Variants in CFAP221 observed in about 807,000 individuals in gnomAD.
CFAP221 encodes the protein cilia- and flagella-associated protein 221.
A neutral mutation model predicts 113.1 loss-of-function variants in CFAP221; 97 were observed. The observed-to-expected ratio is 0.86, with a 90% CI of 0.73 to 1.02. The LOEUF is 1.02. CFAP221 is among the 50% of genes least tolerant of loss of function. The pLI, the probability that CFAP221 is intolerant of heterozygous loss-of-function variation, is 0.00. For missense variants in CFAP221, 1,025 were observed against 1,013.4 expected (o/e 1.01, Z -0.16); for synonymous variants, 331 against 354.4 (o/e 0.93, Z 0.74).
At position 119,648,864 on chromosome 2, in the gene CFAP221, G is replaced by T. The variant is rs527314873; in HGVS notation, c.2318+1814G>T. Among the ~76,000 whole-genome samples, 86 of 152,294 alleles carry T rather than the reference G, an allele frequency of 5.6e-4. 1 individual carries two copies. Among genetic ancestry groups the T allele is most frequent in the Admixed American group, 5.0e-3 (77 of 15,296 alleles). ...TTTACCAAAAGCCAGATGCTCCTGC[G>T]TGCTTCTGTTAGACTGGCGTGAAGT... On this transcript the variant is annotated intron_variant, in intron 22 of 23. Coordinates refer to ENST00000413369, the MANE Select transcript of CFAP221 (RefSeq NM_001271049.2).
chr2:119,630,112 G>A (rs529567286), intron 17 of CFAP221, among the ~76,000 whole-genome samples, 157 bp downstream of exon 17: 9 of 152,346 alleles, frequency 5.9e-5, no homozygotes, highest in African/African-American at 2.2e-4. Flanking sequence ...AGGTACAGCA[G>A]ATTCTTTTCT....
chr2:119,592,058 T>C (rs1683634476), intron 7 of CFAP221, among the ~76,000 whole-genome samples: 2 of 152,094 alleles, frequency 1.3e-5, no homozygotes. Flanking sequence ...TGAAAAAACA[T>C]TACCGAGAAT....
chr2:119,578,721 G>T (rs968587464), intron 6 of CFAP221, among the ~76,000 whole-genome samples: 1 of 152,090 alleles, frequency 6.6e-6, no homozygotes, highest in Non-Finnish European at 1.5e-5. Context: ...CCTAGTCATC[G>T]TGGAAAAAGT....
At chr2:119,577,155 G>C (rs559953555) in intron 6 of CFAP221, among the ~76,000 whole-genome samples, 6 of 152,288 alleles carry the variant, frequency 3.9e-5, no homozygotes, top group Admixed American at 1.3e-4. Flanking sequence ...CTCTGGTGGG[G>C]GCCCTCTACC....
chr2:119,625,449 C>T, intron 14 of CFAP221, 134 bp from the exon 15 acceptor site: 2 of 725,694 alleles, frequency 2.8e-6, no homozygotes, highest in Admixed American at 2.4e-5. Flanking sequence ...AGTAGCATGC[C>T]ACACTCCCTG....
intron 2 of CFAP221, among the ~76,000 whole-genome samples, chr2:119,547,374 A>G (rs1449952957): frequency 1.3e-5 from 2 of 152,086 alleles, no homozygotes; most frequent in Non-Finnish European, 1.5e-5. Flanking sequence ...AGCCTGAACA[A>G]CATGGTGAAA....
At chr2:119,555,180 A>G (rs1395104113) in intron 3 of CFAP221, among the ~76,000 whole-genome samples, 1 of 151,968 alleles carries the variant, frequency 6.6e-6, no homozygotes, top group African/African-American at 2.4e-5. Context: ...GTTTTTGTGG[A>G]GTGGGAAGCG....
intron 19 of CFAP221, among the ~76,000 whole-genome samples, chr2:119,632,748 C>T (rs1417958451): frequency 6.9e-6 from 1 of 144,782 alleles, no homozygotes; most frequent in Non-Finnish European, 1.5e-5. Flanking sequence ...ACAATGAAAT[C>T]TACAAAAAAA....
chr2:119,573,394 T>C (rs756437290), intron 6 of CFAP221: 1 of 152,186 alleles, frequency 6.6e-6, no homozygotes, highest in Non-Finnish European at 1.5e-5. Flanking sequence ...TTGAAGTTGA[T>C]GGAAAGGAGC....
At chr2:119,585,384 T>G (rs1329734194) in intron 6 of CFAP221, among the ~76,000 whole-genome samples, 1 of 152,140 alleles carries the variant, frequency 6.6e-6, no homozygotes, top group Non-Finnish European at 1.5e-5. Context: ...ATGTTCATAG[T>G]TTGGAACAGA....
intron 6 of CFAP221, among the ~76,000 whole-genome samples, chr2:119,579,936 T>C (rs1341575229): frequency 6.6e-6 from 1 of 152,184 alleles, no homozygotes; most frequent in Non-Finnish European, 1.5e-5. Flanking sequence ...CAACACAGCC[T>C]GTGTGGCTGC....
At chr2:119,596,220 C>T (rs1016794966) in intron 7 of CFAP221, among the ~76,000 whole-genome samples, 5 of 152,026 alleles carry the variant, frequency 3.3e-5, no homozygotes, top group East Asian at 1.9e-4. Flanking sequence ...GAGGTTGGCT[C>T]GGATGGGTGG....
intron 16 of CFAP221, 57 bp from the exon 17 acceptor site, chr2:119,629,818 C>A: frequency 4.5e-6 from 6 of 1,338,422 alleles, no homozygotes; most frequent in Non-Finnish European, 5.3e-6. Flanking sequence ...GAAACAGAAG[C>A]ATAGCCACTC....
At chr2:119,624,342 A>T (rs1336276407) in intron 14 of CFAP221, among the ~76,000 whole-genome samples, 1 of 152,242 alleles carries the variant, frequency 6.6e-6, no homozygotes, top group African/African-American at 2.4e-5. Context: ...GCCAGTTAGA[A>T]TGGCAATCAT....
chr2:119,619,574 C>A (rs931317972), intron 14 of CFAP221, among the ~76,000 whole-genome samples: 1 of 152,110 alleles, frequency 6.6e-6, no homozygotes, highest in Admixed American at 6.6e-5. Flanking sequence ...AACAATAACC[C>A]CATCCGAAGG....
At chr2:119,571,210 G>T (rs983327347) in intron 6 of CFAP221, among the ~76,000 whole-genome samples, 1 of 138,182 alleles carries the variant, frequency 7.2e-6, no homozygotes, top group South Asian at 2.3e-4. Flanking sequence ...GTGCAATCTC[G>T]GCTCACTCAA....
chr2:119,606,875 A>G (rs1220370814), intron 11 of CFAP221, among the ~76,000 whole-genome samples: 1 of 152,142 alleles, frequency 6.6e-6, no homozygotes, highest in Non-Finnish European at 1.5e-5. Flanking sequence ...ATTATGACAC[A>G]TACACTTCCC....
chr2:119,611,245 T>C (rs1442725177), intron 12 of CFAP221, among the ~76,000 whole-genome samples: 1 of 152,038 alleles, frequency 6.6e-6, no homozygotes, highest in Non-Finnish European at 1.5e-5. Context: ...ATTCTTTCTA[T>C]GAATGTTAAG....
chr2:119,628,872 A>G (rs1211321220), intron 16 of CFAP221, among the ~76,000 whole-genome samples: 1 of 152,170 alleles, frequency 6.6e-6, no homozygotes, highest in East Asian at 1.9e-4. Flanking sequence ...TGGGGTGAAG[A>G]GGTTGATGGG....
Sources: gnomAD v4.1 joint callset for allele counts (sites outside exome capture counted in the v4.1 genomes callset) on GRCh38, gnomAD v4.1.1 for gene constraint, MANE v1.5 for transcripts, NCBI Gene and HGNC (gene_info 2026-07-23, HGNC 2026-07-21) for gene names.